The following FTO variants were observed in gnomAD, a reference collection of about 807,000 sequenced individuals.
The protein encoded by FTO is FTO alpha-ketoglutarate dependent dioxygenase.
Under a neutral mutation model 63.9 loss-of-function variants are expected in FTO, and 47 were observed. The ratio of observed to expected loss-of-function variants is 0.74; its 90% CI spans 0.58 to 0.94. The LOEUF (loss-of-function observed/expected upper bound fraction) is 0.94, where lower values mean the gene tolerates loss of function less well. Among genes scored for constraint, FTO ranks in the 40% least tolerant of loss-of-function variants. FTO has a pLI of 0.00. For synonymous variants in FTO, 207 were observed against 224.4 expected (o/e 0.92, Z 0.69); for missense variants, 562 against 618.1 (o/e 0.91, Z 0.96).
At chr16:53,747,435 A>G (rs1390392397) in intron 1 of FTO, among the ~76,000 whole-genome samples, 1 of 152,068 alleles carries the variant, frequency 6.6e-6, no homozygotes, top group Non-Finnish European at 1.5e-5. Context: ...TTCTTTAATG[A>G]TTAGTAATGT....
intron 8 of FTO, chr16:54,069,802 G>T (rs1211078814): frequency 6.6e-6 from 1 of 152,106 alleles, no homozygotes. Context: ...CTATCATTGT[G>T]CACCTGCCAG....
chr16:53,931,821 A>G (rs186068558), intron 7 of FTO, among the ~76,000 whole-genome samples: 1 of 151,800 alleles, frequency 6.6e-6, no homozygotes, highest in Non-Finnish European at 1.5e-5. Context: ...GTATTTTTTT[A>G]AAAAATTTTA....
At chr16:54,032,961 C>T (rs1282186682) in intron 8 of FTO, among the ~76,000 whole-genome samples, 1 of 152,204 alleles carries the variant, frequency 6.6e-6, no homozygotes, top group African/African-American at 2.4e-5. Flanking sequence ...GCTCCTGCTT[C>T]ACCTTCTGCC....
At chr16:53,866,635 G>C (rs1014098531) in intron 4 of FTO, among the ~76,000 whole-genome samples, 1 of 151,870 alleles carries the variant, frequency 6.6e-6, no homozygotes, top group African/African-American at 2.4e-5. Context: ...ATTTTTTATA[G>C]GTTTTCAGAT....
At chr16:53,704,125 CGG>C, upstream of FTO, 1 of 1,498,128 alleles carries the variant, frequency 6.7e-7, no homozygotes, top group South Asian at 1.2e-5. Context: ...ATGCAGGAGG[CGG>C]GGTCCAGGGC....
intron 8 of FTO, among the ~76,000 whole-genome samples, chr16:54,096,423 G>A (rs1309340822): frequency 6.6e-6 from 1 of 152,136 alleles, no homozygotes; most frequent in Non-Finnish European, 1.5e-5. Context: ...CAAAACAGCT[G>A]CACCAACATA....
chr16:53,711,779 A>G (rs917180368), intron 1 of FTO, among the ~76,000 whole-genome samples: 15 of 152,244 alleles, frequency 9.9e-5, no homozygotes, highest in African/African-American at 3.1e-4. Context: ...AGAACATTTA[A>G]TAATTTTGTT....
At chr16:53,824,758 A>G (rs1335317427) in intron 2 of FTO, among the ~76,000 whole-genome samples, 1 of 152,134 alleles carries the variant, frequency 6.6e-6, no homozygotes, top group Non-Finnish European at 1.5e-5. Context: ...ATCATGTCTG[A>G]CTCTTTCTTT....
At chr16:53,977,858 A>ATATTTATTTATT (rs139574882) in intron 8 of FTO, among the ~76,000 whole-genome samples, 47 of 151,720 alleles carry the variant, frequency 3.1e-4, no homozygotes, top group South Asian at 6.3e-4. Flanking sequence ...CTAGAAAGAG[A>ATATTTATTTATT]TATTTATTTA....
chr16:53,751,774 A>G (rs534927946), intron 1 of FTO, among the ~76,000 whole-genome samples: 1 of 152,278 alleles, frequency 6.6e-6, no homozygotes, highest in Admixed American at 6.5e-5. Context: ...ATCATATACT[A>G]TAAGTTGGTG....
chr16:53,877,706 A>G (rs972213463), intron 5 of FTO, among the ~76,000 whole-genome samples: 8 of 151,856 alleles, frequency 5.3e-5, no homozygotes, highest in African/African-American at 1.9e-4. Flanking sequence ...TATGACGTGA[A>G]TTATAGCTCA....
chr16:54,059,969 C>T (rs570474321), intron 8 of FTO, among the ~76,000 whole-genome samples: 8 of 152,124 alleles, frequency 5.3e-5, no homozygotes, highest in Non-Finnish European at 8.8e-5. Flanking sequence ...TAAAAAAATA[C>T]GTCCCTTCCA....
At chr16:53,751,992 G>A (rs956852228) in intron 1 of FTO, among the ~76,000 whole-genome samples, 3 of 152,176 alleles carry the variant, frequency 2.0e-5, no homozygotes, top group African/African-American at 7.2e-5. Flanking sequence ...ACCCAGCTAT[G>A]TTCTACTTAC....
At chr16:53,867,422 C>A (rs2080351678) in intron 4 of FTO, among the ~76,000 whole-genome samples, 1 of 151,748 alleles carries the variant, frequency 6.6e-6, no homozygotes, top group Non-Finnish European at 1.5e-5. Context: ...TTTTCTTACC[C>A]TTAATTGATA....
rs1307785841 is a variant in FTO, at chr16:53,815,936, A to G, written c.123+5719A>G. On this transcript the variant is annotated intron_variant, in intron 2 of 8. Coordinates refer to ENST00000471389, the MANE Select transcript of FTO (RefSeq NM_001080432.3). ...AGTGCTGGGATTACAGGTGTGAGCC[A>G]CTGCACCCAGCTGCCATTGACTTTC... Among the ~76,000 whole-genome samples, 11 of 152,186 alleles carry G rather than the reference A, an allele frequency of 7.2e-5. No homozygotes were observed. The East Asian group carries it at 1.9e-3, about 27-fold the overall frequency.
In FTO at chr16:54,118,560, A is replaced by G. The variant is rs2086987242; in HGVS notation, c.*6645A>G. 6.6e-6 allele frequency: 1 copy of G among 152,002 alleles called. No homozygotes were observed. Among genetic ancestry groups the G allele is most frequent in the African/African-American group, 2.4e-5 (1 of 41,390 alleles). The allele number at this position is 152,002 out of a possible 1,614,324, so 9.4% of individuals were successfully genotyped here. On this transcript the variant is annotated 3_prime_UTR_variant, in exon 9 of 9. Transcript: ENST00000471389. ...TAGAGACAGGATTTCACCACATTAC[A>G]CAGGCTGGTTTCAAACTCCGAGGCT... is the stretch of plus-strand genomic sequence containing the variant.
At position 53,707,202 on chromosome 16, in the gene FTO, T is replaced by C. The variant is rs1291380331; in HGVS notation, c.45+2973T>C. 2.6e-5 allele frequency among the ~76,000 whole-genome samples: 4 copies of C among 152,314 alleles called. No homozygotes were observed. The East Asian group carries it at 5.8e-4, about 22-fold the overall frequency. On this transcript the variant is annotated intron_variant, in intron 1 of 8. Coordinates refer to ENST00000471389, the MANE Select transcript of FTO (RefSeq NM_001080432.3). ...GGGCCATACTCCCTTTGAAGGACTC[T>C]AGGGGAAACTCCTTCCTTGCCTCTT...
intron 1 of FTO, among the ~76,000 whole-genome samples, chr16:53,722,597 G>A (rs569803352): frequency 6.6e-6 from 1 of 152,236 alleles, no homozygotes; most frequent in African/African-American, 2.4e-5. Flanking sequence ...GGGAGGACGA[G>A]GCAGGTGGAT....
intron 8 of FTO, among the ~76,000 whole-genome samples, chr16:54,037,527 G>A (rs186013987): frequency 2.0e-3 from 305 of 152,292 alleles, no homozygotes; most frequent in Non-Finnish European, 3.4e-3. Context: ...AGCATCCAGT[G>A]CTCATGCTTT....
Sources: gnomAD v4.1 joint callset for allele counts (sites outside exome capture counted in the v4.1 genomes callset) on GRCh38, gnomAD v4.1.1 for gene constraint, MANE v1.5 for transcripts, NCBI Gene and HGNC (gene_info 2026-07-23, HGNC 2026-07-21) for gene names.